Variants in PLXDC2 observed in about 807,000 individuals in gnomAD.
PLXDC2 encodes the protein plexin domain containing 2.
In PLXDC2, 40 loss-of-function variants were observed where a neutral mutation model predicts 68.9. That is an observed-to-expected ratio of 0.58 (90% confidence interval 0.45 to 0.76). PLXDC2 has a LOEUF of 0.76. Ranked by LOEUF, PLXDC2 falls within the 30% of genes least tolerant of loss-of-function variation. The probability of loss-of-function intolerance (pLI) is 0.00; values close to 1 mark genes in which losing one functional copy is unlikely to be tolerated. For missense variants in PLXDC2, 644 were observed against 661.9 expected, an observed-to-expected ratio of 0.97 and a Z score of 0.30; for synonymous variants, 243 against 234.2, an observed-to-expected ratio of 1.04 and a Z score of -0.34.
At chr10:20,182,070 T>TG (rs776349845) in intron 9 of PLXDC2, among the ~76,000 whole-genome samples, 3,980 of 125,792 alleles carry the variant, frequency 0.032, 73 homozygotes, top group South Asian at 0.092. Flanking sequence ...AAACCGGTTA[T>TG]TTGTGTGTGT....
At chr10:19,825,893 A>G (rs1187323123) in intron 1 of PLXDC2, among the ~76,000 whole-genome samples, 1 of 152,056 alleles carries the variant, frequency 6.6e-6, no homozygotes, top group Admixed American at 6.6e-5. Context: ...AAAAGGGCCC[A>G]CTCACCTTCC....
chr10:19,924,730 C>T (rs951925882), intron 1 of PLXDC2, among the ~76,000 whole-genome samples: 1 of 152,124 alleles, frequency 6.6e-6, no homozygotes, highest in Non-Finnish European at 1.5e-5. Flanking sequence ...CATGTTTCTT[C>T]GTCTCTAGTA....
Position 19,817,096 on chromosome 10 carries a change from A to T in PLXDC2, c.17A>T (p.Lys6Met), listed in dbSNP as rs1224497200. Residue 6 changes from lysine (K) to methionine (M), a missense_variant, in exon 1 of 14, where the codon AAG becomes ATG. Transcript: ENST00000377252. Reference protein sequence around the residue: MARFPKADLAAAGVML... With the variant: MARFPMADLAAAGVML... Reference sequence around the variant, plus strand: ...GGCGGCGGCATGGCGAGGTTCCCGAAGGCCGACCTGGCCGCTGCAGGAGTT... The same window carrying T: ...GGCGGCGGCATGGCGAGGTTCCCGATGGCCGACCTGGCCGCTGCAGGAGTT... 6.4e-7 allele frequency: 1 copy of T among 1,557,128 alleles called. No homozygotes were observed. Among genetic ancestry groups the T allele is most frequent in the East Asian group, 2.4e-5 (1 of 41,234 alleles).
In PLXDC2 at chr10:20,288,786, C is replaced by G. The variant is rs919310433; in HGVS notation, c.*8967C>G. ...GTGTGGGAAATCTGATTTTTTTCCCCTAGTAATAGTTTGATAAGAAATTTA... is the reference window on the plus strand; with the variant it reads ...GTGTGGGAAATCTGATTTTTTTCCCGTAGTAATAGTTTGATAAGAAATTTA... On this transcript the variant is annotated 3_prime_UTR_variant, in exon 14 of 14. Transcript: ENST00000377252. 2.0e-5 allele frequency: 3 copies of G among 151,972 alleles called. No individual in the cohort carries two copies. The highest frequency in any genetic ancestry group is 7.3e-5 in the African/African-American group (3 of 41,360). The allele number at this position is 151,972 out of a possible 1,614,324, so 9.4% of individuals were successfully genotyped here. A position where few individuals can be genotyped will look rare whatever the true frequency, so the allele number is the denominator to read the frequency against.
Position 19,943,927 on chromosome 10 carries a change from A to G in PLXDC2, c.113-57848A>G, listed in dbSNP as rs533675661. 9.2e-5 allele frequency among the ~76,000 whole-genome samples: 14 copies of G among 152,332 alleles called. No individual in the cohort carries two copies. In the South Asian group the frequency reaches 2.1e-3, roughly 23 times the overall value. ...TTGTTTGTTGGGAACATCACTTGCC[A>G]TATTTGATAGAATGTCGCCTTTGCA... On this transcript the variant is annotated intron_variant, in intron 1 of 13. Transcript: ENST00000377252.
At chr10:19,966,443 T>A (rs5741512) in intron 1 of PLXDC2, among the ~76,000 whole-genome samples, 1,425 of 8,854 alleles carry the variant, frequency 0.16, no homozygotes, top group African/African-American at 0.21. Context: ...CACATATATA[T>A]AAAACATGTG....
intron 1 of PLXDC2, among the ~76,000 whole-genome samples, chr10:19,895,737 T>C (rs1171522835): frequency 2.6e-5 from 4 of 151,934 alleles, no homozygotes; most frequent in African/African-American, 9.7e-5. Context: ...AGCCACCATG[T>C]GAGATCATCT....
At chr10:20,099,374 A>G (rs892397762) in intron 4 of PLXDC2, among the ~76,000 whole-genome samples, 8 of 152,166 alleles carry the variant, frequency 5.3e-5, no homozygotes, top group African/African-American at 1.9e-4. Context: ...CCATATAAAT[A>G]TTAATTTGCA....
intron 4 of PLXDC2, among the ~76,000 whole-genome samples, chr10:20,111,543 A>G (rs1164186802): frequency 1.3e-5 from 2 of 152,242 alleles, no homozygotes; most frequent in Non-Finnish European, 2.9e-5. Flanking sequence ...AGTTTAGTTC[A>G]AAAGATAAAA....
At chr10:20,194,052 A>G (rs542486861) in intron 9 of PLXDC2, among the ~76,000 whole-genome samples, 1 of 152,152 alleles carries the variant, frequency 6.6e-6, no homozygotes, top group East Asian at 1.9e-4. Flanking sequence ...CAAGCTCACA[A>G]ATTTATAATA....
chr10:20,132,303 A>T (rs1400603809), intron 4 of PLXDC2, among the ~76,000 whole-genome samples: 1 of 152,146 alleles, frequency 6.6e-6, no homozygotes, highest in Non-Finnish European at 1.5e-5. Context: ...TGCATTTGTA[A>T]AGAATGTATA....
intron 1 of PLXDC2, among the ~76,000 whole-genome samples, chr10:19,820,659 A>G (rs1282614577): frequency 1.3e-5 from 2 of 152,062 alleles, no homozygotes; most frequent in Admixed American, 6.6e-5. Context: ...AAAAAAAGAA[A>G]AGAAAATATG....
intron 1 of PLXDC2, among the ~76,000 whole-genome samples, chr10:19,844,948 G>A (rs1836978476): frequency 6.6e-6 from 1 of 152,162 alleles, no homozygotes. Context: ...TTGGAACCAG[G>A]AATATAGCCC....
intron 2 of PLXDC2, among the ~76,000 whole-genome samples, chr10:20,011,025 C>T (rs1215844986): frequency 6.6e-6 from 1 of 152,184 alleles, no homozygotes; most frequent in Non-Finnish European, 1.5e-5. Context: ...ACATATCAAA[C>T]ATACTCAGAT....
chr10:19,984,501 G>C (rs1391682433), intron 1 of PLXDC2, among the ~76,000 whole-genome samples: 3 of 152,136 alleles, frequency 2.0e-5, no homozygotes, highest in African/African-American at 7.2e-5. Context: ...TTTCCTCTGG[G>C]GAAATGTAAG....
At chr10:20,007,017 G>A (rs1835037717) in intron 2 of PLXDC2, among the ~76,000 whole-genome samples, 1 of 152,188 alleles carries the variant, frequency 6.6e-6, no homozygotes, top group African/African-American at 2.4e-5. Flanking sequence ...TAAAAATGAG[G>A]TGTCGGGAAA....
intron 1 of PLXDC2, among the ~76,000 whole-genome samples, chr10:19,892,799 A>G (rs1433060825): frequency 1.3e-5 from 2 of 152,164 alleles, no homozygotes; most frequent in South Asian, 2.1e-4. Flanking sequence ...CGGCACAACA[A>G]TAAGTCTCAA....
At chr10:20,222,632 G>C (rs115274527) in intron 12 of PLXDC2, among the ~76,000 whole-genome samples, 187 of 152,206 alleles carry the variant, frequency 1.2e-3, no homozygotes, top group African/African-American at 4.4e-3. Flanking sequence ...ATAAATTCAG[G>C]TCTCTTTAGT....
intron 1 of PLXDC2, among the ~76,000 whole-genome samples, chr10:19,992,920 T>C (rs1834774412): frequency 6.6e-6 from 1 of 152,186 alleles, no homozygotes; most frequent in African/African-American, 2.4e-5. Flanking sequence ...CTAGGCTTTG[T>C]CACAGATTGC....
Sources: allele counts gnomAD v4.1 joint callset (sites outside exome capture counted in the v4.1 genomes callset), GRCh38; gene constraint gnomAD v4.1.1; transcripts MANE v1.5; gene names NCBI Gene and HGNC (gene_info 2026-07-23, HGNC 2026-07-21).